Variants in CHRNA7 observed in about 807,000 individuals in gnomAD.
CHRNA7 encodes the protein neuronal acetylcholine receptor subunit alpha-7.
Under a neutral mutation model 48.0 loss-of-function variants are expected in CHRNA7, and 17 were observed. That is an observed-to-expected ratio of 0.35 (90% CI 0.24 to 0.53). CHRNA7 has a LOEUF of 0.53. CHRNA7 is among the 20% of genes least tolerant of loss of function. The pLI is 0.92. For missense variants in CHRNA7, 155 were observed against 577.7 expected (o/e 0.27, Z 7.50); for synonymous variants, 75 against 242.3 (o/e 0.31, Z 6.41).
chr15:32,120,893 C>T (rs1183751570), intron 4 of CHRNA7, among the ~76,000 whole-genome samples: 9 of 152,148 alleles, frequency 5.9e-5, no homozygotes, highest in African/African-American at 9.7e-5. Context: ...ACTCAATGGG[C>T]GGTTCAGTCT....
chr15:32,151,953 C>G (rs1381955215), intron 4 of CHRNA7, among the ~76,000 whole-genome samples: 1 of 152,138 alleles, frequency 6.6e-6, no homozygotes, highest in East Asian at 1.9e-4. Flanking sequence ...GCCATAGTGG[C>G]CAAAATGAGG....
intron 2 of CHRNA7, among the ~76,000 whole-genome samples, chr15:32,092,588 G>A (rs2050400843): frequency 6.6e-6 from 1 of 152,100 alleles, no homozygotes. Context: ...TTTCTGTGAT[G>A]TAGTAGAGAT....
In CHRNA7 at chr15:32,144,147, G is replaced by C. The variant is rs372813322; in HGVS notation, c.351-9760G>C. Among the ~76,000 whole-genome samples the C allele has an allele frequency of 4.5e-4, 68 of 152,292 alleles. No individual in the cohort carries two copies. The East Asian group carries it at 0.013, about 28-fold the overall frequency. ...AAAATCTCTCAGCATTTGCTTGTCT[G>C]TAAAGGATTTTATTTCTCCTTCACT... On this transcript the variant is annotated intron_variant, in intron 4 of 9. Coordinates refer to ENST00000306901, the MANE Select transcript of CHRNA7 (RefSeq NM_000746.6).
chr15:32,075,732 T>C (rs945680112), intron 2 of CHRNA7, among the ~76,000 whole-genome samples: 5 of 151,928 alleles, frequency 3.3e-5, no homozygotes, highest in Non-Finnish European at 7.4e-5. Flanking sequence ...TTCATCCTTC[T>C]TGCTCTCTGG....
rs926655692 is a variant in CHRNA7, at chr15:32,063,099, A to C, written c.195+32062A>C. ...AATGATATACATATACAGGGTAGTT[A>C]CCGTGAGTGCAGCTTGCAGGACTGG... is the stretch of plus-strand genomic sequence containing the variant. On this transcript the variant is annotated intron_variant, in intron 2 of 9. Transcript: ENST00000306901. Among the ~76,000 whole-genome samples the C allele has an allele frequency of 2.6e-5, 4 of 152,192 alleles. No homozygotes were observed. In the East Asian group the frequency reaches 7.7e-4, roughly 29 times the overall value.
intron 2 of CHRNA7, among the ~76,000 whole-genome samples, chr15:32,074,666 A>ATTATTATTTTTTTTTTTT (rs991862925): frequency 3.7e-5 from 4 of 107,296 alleles, no homozygotes; most frequent in African/African-American, 1.3e-4. Context: ...TATTATTATT[A>ATTATTATTTTTTTTTTTT]TTTTTGAGAC....
chr15:32,069,856 T>C (rs906505343), intron 2 of CHRNA7, among the ~76,000 whole-genome samples: 1 of 152,160 alleles, frequency 6.6e-6, no homozygotes, highest in Non-Finnish European at 1.5e-5. Flanking sequence ...GAATATTGTG[T>C]TAGCAAACAT....
At chr15:32,074,032 C>G (rs896167872) in intron 2 of CHRNA7, among the ~76,000 whole-genome samples, 3 of 151,498 alleles carry the variant, frequency 2.0e-5, no homozygotes, top group Non-Finnish European at 4.4e-5. Context: ...TCTTCCTGTT[C>G]CCATTTTCTC....
At chr15:32,080,687 T>C (rs574082074) in intron 2 of CHRNA7, among the ~76,000 whole-genome samples, 1 of 152,214 alleles carries the variant, frequency 6.6e-6, no homozygotes, top group Non-Finnish European at 1.5e-5. Context: ...GCTTGTATTC[T>C]GTTGGTGGGA....
Position 32,149,117 on chromosome 15 carries a change from C to T in CHRNA7, c.351-4790C>T, listed in dbSNP as rs567881961. 7.9e-5 allele frequency among the ~76,000 whole-genome samples: 12 copies of T among 152,304 alleles called. No homozygotes were observed. Among genetic ancestry groups the T allele is most frequent in the Middle Eastern group, 3.4e-3 (1 of 294 alleles). ...CAGATAAAGGCAGCTCCTGCAAGGA[C>T]GGAGAGGCCACAGGCCGGCATCTTC... On this transcript the variant is annotated intron_variant, in intron 4 of 9. Coordinates refer to ENST00000306901, the MANE Select transcript of CHRNA7 (RefSeq NM_000746.6). The surrounding 1 kb of genome is among the most constrained non-coding windows in gnomAD (Gnocchi z 4.6).
chr15:32,117,015 G>A (rs1306093162), intron 4 of CHRNA7, among the ~76,000 whole-genome samples: 2 of 152,134 alleles, frequency 1.3e-5, no homozygotes, highest in African/African-American at 2.4e-5. Flanking sequence ...ACTCATAATT[G>A]TGCTCATCAT....
In CHRNA7 at chr15:32,030,541, G is replaced by C; in HGVS notation, c.-54G>C. The C allele has an allele frequency of 7.1e-7, 1 of 1,407,594 alleles. No homozygotes were observed. Among genetic ancestry groups the C allele is most frequent in the Non-Finnish European group, 9.2e-7 (1 of 1,086,210 alleles). 87.2% of individuals were successfully genotyped at this position (1,407,594 alleles called of 1,614,324 possible). On this transcript the variant is annotated 5_prime_UTR_variant, in exon 1 of 10. Transcript: ENST00000306901. ...CCTCTGTGGCCGCAGGCGCAGGCCC[G>C]GGCGACAGCCGAGACGTGGAGCGCG...
At chr15:32,122,887 C>CAAA (rs61151556) in intron 4 of CHRNA7, among the ~76,000 whole-genome samples, 1,267 of 107,854 alleles carry the variant, frequency 0.012, 12 homozygotes, top group African/African-American at 0.03. Context: ...GCTCTCAAAG[C>CAAA]AAAAAAAAAA....
chr15:32,071,113 A>G (rs2050051261), intron 2 of CHRNA7, among the ~76,000 whole-genome samples: 1 of 152,088 alleles, frequency 6.6e-6, no homozygotes, highest in Non-Finnish European at 1.5e-5. Flanking sequence ...CAGGAGGTCT[A>G]TTTCTAGAGT....
At chr15:32,150,479 T>C (rs1247287941) in intron 4 of CHRNA7, among the ~76,000 whole-genome samples, 1 of 152,170 alleles carries the variant, frequency 6.6e-6, no homozygotes, top group Admixed American at 6.5e-5. Flanking sequence ...TTAAAAGCAA[T>C]GCAAAGCTGA....
chr15:32,054,793 T>C (rs1438039621), intron 2 of CHRNA7, among the ~76,000 whole-genome samples: 2 of 152,252 alleles, frequency 1.3e-5, no homozygotes, highest in Non-Finnish European at 2.9e-5. Context: ...TATTATTATA[T>C]TGATGGCTAT....
At chr15:32,128,377 G>A (rs981277690) in intron 4 of CHRNA7, among the ~76,000 whole-genome samples, 6 of 151,836 alleles carry the variant, frequency 4.0e-5, no homozygotes, top group Admixed American at 3.3e-4. Context: ...ACAGGTTCTC[G>A]TAGGGACAAT....
At chr15:32,061,007 T>G (rs2049870150) in intron 2 of CHRNA7, among the ~76,000 whole-genome samples, 1 of 152,168 alleles carries the variant, frequency 6.6e-6, no homozygotes, top group Non-Finnish European at 1.5e-5. Flanking sequence ...AGCTTTGGAT[T>G]CATCACAAGA....
At chr15:32,056,412 TTTTG>T (rs1440326910) in intron 2 of CHRNA7, among the ~76,000 whole-genome samples, 1 of 152,212 alleles carries the variant, frequency 6.6e-6, no homozygotes, top group Non-Finnish European at 1.5e-5. Context: ...GACTAATTTA[TTTTG>T]TTTTTCAAGA....
Sources: gnomAD v4.1 joint callset for allele counts (sites outside exome capture counted in the v4.1 genomes callset) on GRCh38, gnomAD v4.1.1 for gene constraint, Gnocchi (gnomAD v3.1) non-coding constraint, MANE v1.5 for transcripts, NCBI Gene and HGNC (gene_info 2026-07-23, HGNC 2026-07-21) for gene names.